The following WFDC1 variants were observed in gnomAD, a reference collection of about 807,000 sequenced individuals.
WFDC1 encodes the protein WAP four-disulfide core domain protein 1.
In WFDC1, 39 loss-of-function variants were observed where a neutral mutation model predicts 32.9. The ratio of observed to expected loss-of-function variants is 1.19; its 90% CI spans 0.92 to 1.55. The LOEUF (loss-of-function observed/expected upper bound fraction) is 1.55. Ranked by LOEUF, WFDC1 falls within the 40% of genes most tolerant of loss-of-function variation. The pLI, the probability that WFDC1 is intolerant of heterozygous loss-of-function variation, is 0.00. For synonymous variants in WFDC1, 184 were observed against 137.4 expected (o/e 1.34, Z -2.37); for missense variants, 386 against 309.5 (o/e 1.25, Z -1.85).
chr16:84,298,138 AT>A (rs751086141), intron 1 of WFDC1, among the ~76,000 whole-genome samples: 47 of 148,166 alleles, frequency 3.2e-4, no homozygotes, highest in South Asian at 1.5e-3. Context: ...AAAGGAAAGA[AT>A]TTTTTTTTTT....
chr16:84,327,289 C>G (rs1196426209), intron 6 of WFDC1: 5 of 244,144 alleles, frequency 2.0e-5, no homozygotes, highest in East Asian at 8.6e-5. Context: ...CTCCTAGGCT[C>G]AAGCCATCCT....
chr16:84,305,961 C>T (rs1392830338), intron 1 of WFDC1, among the ~76,000 whole-genome samples: 1 of 151,594 alleles, frequency 6.6e-6, no homozygotes, highest in Non-Finnish European at 1.5e-5. Context: ...TGAGATCGTG[C>T]CCTTGCACTC....
chr16:84,299,386 C>CAA (rs113709567), intron 1 of WFDC1, among the ~76,000 whole-genome samples: 4 of 129,664 alleles, frequency 3.1e-5, no homozygotes, highest in East Asian at 2.2e-4. Context: ...AAACAAAAAG[C>CAA]AAAAAAAAAA....
At chr16:84,326,449 G>T (rs244783) in intron 5 of WFDC1, 121,136 of 169,056 alleles carry the variant, frequency 0.72, 45,268 homozygotes, top group East Asian at 0.81. Context: ...TATTTTATGA[G>T]AATAGTGACA....
At chr16:84,297,761 GTGCTGTGCAATCT>G (rs1906696404) in intron 1 of WFDC1, among the ~76,000 whole-genome samples, 1 of 151,940 alleles carries the variant, frequency 6.6e-6, no homozygotes, top group South Asian at 2.1e-4. Flanking sequence ...AATCTCTAAT[GTGCTGTGCAATCT>G]TGGACCACTC....
chr16:84,313,842 G>A (rs796900298), intron 2 of WFDC1, among the ~76,000 whole-genome samples: 17 of 152,300 alleles, frequency 1.1e-4, no homozygotes, highest in African/African-American at 3.4e-4. Flanking sequence ...AGGAGTTCAA[G>A]ACCAGTCTGG....
chr16:84,310,362 G>T (rs111495515), intron 1 of WFDC1, among the ~76,000 whole-genome samples: 2 of 152,128 alleles, frequency 1.3e-5, no homozygotes, highest in African/African-American at 4.8e-5. Context: ...CAAAGGCCTG[G>T]AGGTGACGGC....
Position 84,318,315 on chromosome 16 carries a change from C to T in WFDC1, c.381C>T (p.Gly127=). 6.2e-7 allele frequency: 1 copy of T among 1,614,120 alleles called. No individual in the cohort carries two copies. Among genetic ancestry groups the T allele is most frequent in the Middle Eastern group, 1.7e-4 (1 of 6,036 alleles). The part of the protein sequence containing the change: ...LVQPKPRWLG[G]NGWLLDGPEE... The stretch of plus-strand genomic sequence containing the variant: ...AGCCGAAACCTCGATGGCTTGGTGG[C>T]AATGGCTGGCTCCTGGATGGCCCTG... Residue 127 remains glycine, a synonymous_variant, in exon 3 of 7, where the codon GGC becomes GGT. Coordinates refer to ENST00000219454, the MANE Select transcript of WFDC1 (RefSeq NM_021197.4).
intron 1 of WFDC1, among the ~76,000 whole-genome samples, chr16:84,303,685 TGACA>T (rs1272564645): frequency 6.6e-6 from 1 of 152,220 alleles, no homozygotes; most frequent in Admixed American, 6.5e-5. Context: ...GAAATTCACA[TGACA>T]GACAATTCAC....
chr16:84,324,830 A>G (rs1908494910), intron 5 of WFDC1, among the ~76,000 whole-genome samples: 1 of 151,994 alleles, frequency 6.6e-6, no homozygotes, highest in Non-Finnish European at 1.5e-5. Flanking sequence ...TCATCCCTCC[A>G]TCCATCTACC....
chr16:84,312,207 G>A lies in WFDC1; in HGVS notation c.145-754G>A, dbSNP rs563913015. Among the ~76,000 whole-genome samples the A allele has an allele frequency of 6.6e-5, 10 of 152,114 alleles. No individual in the cohort carries two copies. The East Asian group carries it at 9.7e-4, about 15-fold the overall frequency. ...AAACAAACAAAAAATACTTCAAAGC[G>A]TATAAATCCTACGTGTTCAGCTCCA... On this transcript the variant is annotated intron_variant, in intron 1 of 6. Coordinates refer to ENST00000219454, the MANE Select transcript of WFDC1 (RefSeq NM_021197.4).
intron 2 of WFDC1, among the ~76,000 whole-genome samples, chr16:84,315,203 C>T (rs934448940): frequency 6.6e-6 from 1 of 152,234 alleles, no homozygotes; most frequent in Non-Finnish European, 1.5e-5. Flanking sequence ...TGGCTCACTT[C>T]CTTGCCTCCT....
At chr16:84,323,328 T>G (rs554352394) in intron 4 of WFDC1, among the ~76,000 whole-genome samples, 1 of 152,212 alleles carries the variant, frequency 6.6e-6, no homozygotes, top group Non-Finnish European at 1.5e-5. Flanking sequence ...ATTAACCTTA[T>G]AGCAGAAAAG....
intron 1 of WFDC1, chr16:84,296,992 C>A (rs1330311520): frequency 6.6e-6 from 1 of 152,296 alleles, no homozygotes; most frequent in East Asian, 1.9e-4. Flanking sequence ...GATGATTTAA[C>A]CCTCAACTGT....
intron 3 of WFDC1, 126 bp downstream of exon 3, chr16:84,318,481 G>C (rs1047048684): frequency 1.1e-6 from 1 of 877,378 alleles, no homozygotes; most frequent in African/African-American, 1.7e-5. Context: ...CAAACACTCA[G>C]CCCTCTTTGA....
At chr16:84,301,283 C>T (rs1906917172) in intron 1 of WFDC1, among the ~76,000 whole-genome samples, 1 of 152,192 alleles carries the variant, frequency 6.6e-6, no homozygotes, top group Non-Finnish European at 1.5e-5. Flanking sequence ...TGTTGCAGCA[C>T]CCTCGGACAC....
At chr16:84,326,776 G>C in intron 5 of WFDC1, 106 bp from the exon 6 acceptor site, 2 of 1,363,032 alleles carry the variant, frequency 1.5e-6, no homozygotes, top group Non-Finnish European at 2.1e-6. Context: ...GGAGGGAGGA[G>C]AGGGCCAGGT....
intron 1 of WFDC1, among the ~76,000 whole-genome samples, 161 bp from the exon 2 acceptor site, chr16:84,312,800 G>A (rs1907710915): frequency 2.0e-5 from 3 of 152,242 alleles, no homozygotes; most frequent in Admixed American, 1.3e-4. Context: ...CTGACCTTCT[G>A]AGCCGCCCTC....
At chr16:84,299,397 A>C (rs1408291231) in intron 1 of WFDC1, among the ~76,000 whole-genome samples, 29 of 152,004 alleles carry the variant, frequency 1.9e-4, no homozygotes, top group East Asian at 1.9e-4. Context: ...AAAAAAAAAA[A>C]ACCAAAAACC....
Sources: allele counts gnomAD v4.1 joint callset (sites outside exome capture counted in the v4.1 genomes callset), GRCh38; gene constraint gnomAD v4.1.1; transcripts MANE v1.5; gene names NCBI Gene and HGNC (gene_info 2026-07-23, HGNC 2026-07-21).